HS1BP3: variants seen among roughly 807,000 people sequenced by gnomAD.
HS1BP3 encodes the protein HCLS1 binding protein 3.
In HS1BP3, 32 loss-of-function variants were observed where a neutral mutation model predicts 33.5. That is an observed-to-expected ratio of 0.95 (90% CI 0.72 to 1.28). HS1BP3 has a LOEUF of 1.28. Ranked by LOEUF, HS1BP3 falls within the 50% of genes most tolerant of loss-of-function variation. The pLI is 0.00. For missense variants in HS1BP3, 486 were observed against 502.3 expected (o/e 0.97, Z 0.31); for synonymous variants, 187 against 209.2 (o/e 0.89, Z 0.92).
chr2:20,556,189 C>T (rs994435131), downstream of HS1BP3, among the ~76,000 whole-genome samples: 1 of 152,226 alleles, frequency 6.6e-6, no homozygotes. Context: ...TTTCTATTGA[C>T]TTCCTGCTAT....
chr2:20,627,022 GC>G (rs1396732005), intron 4 of HS1BP3, among the ~76,000 whole-genome samples: 1 of 152,220 alleles, frequency 6.6e-6, no homozygotes, highest in Non-Finnish European at 1.5e-5. Flanking sequence ...CCCCAAGCAG[GC>G]CCAGGAGGCT....
At chr2:20,646,354 G>A (rs962027873) in intron 1 of HS1BP3, among the ~76,000 whole-genome samples, 1 of 152,270 alleles carries the variant, frequency 6.6e-6, no homozygotes, top group East Asian at 1.9e-4. Context: ...AACACGGGAG[G>A]AGCTTCTGGA....
intron 4 of HS1BP3, among the ~76,000 whole-genome samples, chr2:20,625,709 C>A (rs1484282543): frequency 1.3e-5 from 2 of 152,158 alleles, no homozygotes; most frequent in African/African-American, 4.8e-5. Flanking sequence ...CTGAGGAGGT[C>A]CTGCTCTGGG....
chr2:20,646,357 C>T (rs1427213686), intron 1 of HS1BP3, among the ~76,000 whole-genome samples: 6 of 152,182 alleles, frequency 3.9e-5, no homozygotes, highest in Non-Finnish European at 7.3e-5. Context: ...ACGGGAGGAG[C>T]TTCTGGAGCT....
At chr2:20,573,480 T>C (rs570698331) in intron 5 of HS1BP3, among the ~76,000 whole-genome samples, 7 of 152,310 alleles carry the variant, frequency 4.6e-5, no homozygotes, top group African/African-American at 9.6e-5. Flanking sequence ...ATCCTGAGGA[T>C]CACATAATTC....
At chr2:20,638,691 C>G in intron 3 of HS1BP3, 39 bp from the exon 4 acceptor site, 1 of 1,532,858 alleles carries the variant, frequency 6.5e-7, no homozygotes, top group Non-Finnish European at 9.0e-7. Flanking sequence ...TTGGTAACCA[C>G]CCCAGAGCCA....
At chr2:20,641,323 C>G (rs1695340877) in intron 2 of HS1BP3, 143 bp from the exon 3 acceptor site, 3 of 678,752 alleles carry the variant, frequency 4.4e-6, no homozygotes, top group Middle Eastern at 3.1e-4. Context: ...GCCTGTCTCC[C>G]AGCCTCAGGC....
chr2:20,574,233 AAAC>A (rs1487939254), intron 5 of HS1BP3, among the ~76,000 whole-genome samples: 1 of 152,240 alleles, frequency 6.6e-6, no homozygotes, highest in East Asian at 1.9e-4. Flanking sequence ...GTGAGACTCA[AAAC>A]AAGCCTGTTA....
chr2:20,578,078 C>T (rs1693444186), intron 5 of HS1BP3, among the ~76,000 whole-genome samples: 2 of 152,208 alleles, frequency 1.3e-5, no homozygotes, highest in Admixed American at 1.3e-4. Context: ...TGGCATGGAA[C>T]ACTCCAAGCT....
In HS1BP3 at chr2:20,618,262, A is replaced by T. The variant is rs761033585; in HGVS notation, c.*725T>A. 6.6e-6 allele frequency: 1 copy of T among 152,246 alleles called. No individual in the cohort carries two copies. The highest frequency in any genetic ancestry group is 1.5e-5 in the Non-Finnish European group (1 of 68,104). 9.4% of individuals were successfully genotyped at this position (152,246 alleles called of 1,614,324 possible). A position where few individuals can be genotyped will look rare whatever the true frequency, so the allele number is the denominator to read the frequency against. ...ACTGGGGCCTAGCAGGGCCGTCTATACCCTGGAGAGGCAGGGCCTGACTTC... is the reference window on the plus strand; with the variant it reads ...ACTGGGGCCTAGCAGGGCCGTCTATTCCCTGGAGAGGCAGGGCCTGACTTC... On this transcript the variant is annotated 3_prime_UTR_variant, in exon 7 of 7. Transcript: ENST00000304031.
rs747589625 is a variant in HS1BP3 at position 20,611,196 on chromosome 2, G to A, written c.178+12700C>T. ...GCCACTGTTTGCTTGTTCATTGACC[G>A]TTTGTTTGATGGATATTTGGGTTGT... is the stretch of plus-strand genomic sequence containing the variant. On this transcript the variant is annotated intron_variant, in intron 2 of 3. Transcript: ENST00000415264. The surrounding 1 kb of genome is among the most constrained non-coding windows in gnomAD (Gnocchi z 4.9). Among the ~76,000 whole-genome samples, 41 of 152,326 alleles carry A rather than the reference G, an allele frequency of 2.7e-4. No homozygotes were observed. Among genetic ancestry groups the A allele is most frequent in the Admixed American group, 5.2e-4 (8 of 15,302 alleles).
intron 5 of HS1BP3, among the ~76,000 whole-genome samples, chr2:20,576,714 TA>T (rs894803702): frequency 5.9e-5 from 9 of 152,208 alleles, no homozygotes; most frequent in Non-Finnish European, 1.3e-4. Flanking sequence ...GCCCACAATC[TA>T]GGGACTTTTT....
chr2:20,607,063 T>C (rs1299651738), intron 2 of HS1BP3, among the ~76,000 whole-genome samples: 2 of 152,194 alleles, frequency 1.3e-5, no homozygotes, highest in Non-Finnish European at 2.9e-5. Flanking sequence ...ACCCTATATT[T>C]TTATTAAGAG....
At chr2:20,556,584 C>T (rs915506506), downstream of HS1BP3, among the ~76,000 whole-genome samples, 1 of 152,178 alleles carries the variant, frequency 6.6e-6, no homozygotes, top group Non-Finnish European at 1.5e-5. Context: ...TCTTATAGTA[C>T]TATGATTACA....
At chr2:20,561,799 T>C (rs1338268903) in intron 5 of HS1BP3, among the ~76,000 whole-genome samples, 2 of 152,184 alleles carry the variant, frequency 1.3e-5, no homozygotes, top group Non-Finnish European at 2.9e-5. Flanking sequence ...ATCTTTTTTA[T>C]GCTAATGAGA....
At chr2:20,582,185 C>T (rs1194381269) in intron 5 of HS1BP3, among the ~76,000 whole-genome samples, 3 of 152,214 alleles carry the variant, frequency 2.0e-5, no homozygotes, top group East Asian at 3.8e-4. Flanking sequence ...CTGTGGGCTG[C>T]CTTCCTGGAG....
intron 4 of HS1BP3, among the ~76,000 whole-genome samples, chr2:20,631,841 C>T (rs11891547): frequency 0.035 from 5,299 of 152,210 alleles, 328 homozygotes; most frequent in African/African-American, 0.12. Flanking sequence ...CTACAGCAAG[C>T]GCCCAGTACC....
chr2:20,563,111 C>T (rs912090105), intron 5 of HS1BP3, among the ~76,000 whole-genome samples: 3 of 152,236 alleles, frequency 2.0e-5, no homozygotes, highest in African/African-American at 7.2e-5. Context: ...ACTGTGAAGG[C>T]GTGTGCATCC....
downstream of HS1BP3, among the ~76,000 whole-genome samples, chr2:20,617,607 A>G (rs1020170155): frequency 1.3e-4 from 19 of 151,084 alleles, no homozygotes; most frequent in Non-Finnish European, 2.7e-4. Flanking sequence ...CACCCGCACC[A>G]TCAGCCGGGG....
Sources: allele counts gnomAD v4.1 joint callset (sites outside exome capture counted in the v4.1 genomes callset), GRCh38; gene constraint gnomAD v4.1.1; non-coding constraint Gnocchi (gnomAD v3.1); transcripts MANE v1.5; gene names NCBI Gene and HGNC (gene_info 2026-07-23, HGNC 2026-07-21).